The following ESRRG variants were observed in gnomAD, a reference collection of about 807,000 sequenced individuals.
ESRRG encodes estrogen-related receptor gamma.
In ESRRG, 13 loss-of-function variants were observed where a neutral mutation model predicts 44.0. The observed-to-expected ratio is 0.30, with a 90% CI of 0.19 to 0.47. The LOEUF is 0.47. Among genes scored for constraint, ESRRG ranks in the 20% least tolerant of loss-of-function variants. The pLI is 1.00. For missense variants in ESRRG, 395 were observed against 580.6 expected, an observed-to-expected ratio of 0.68 and a Z score of 3.29; for synonymous variants, 215 against 214.6, an observed-to-expected ratio of 1.00 and a Z score of -0.02.
intron 6 of ESRRG, among the ~76,000 whole-genome samples, chr1:216,517,525 A>G (rs2044704972): frequency 6.6e-6 from 1 of 152,308 alleles, no homozygotes; most frequent in South Asian, 2.1e-4. Flanking sequence ...TTTGAAACAT[A>G]AAAGATTTAA....
intron 3 of ESRRG, among the ~76,000 whole-genome samples, chr1:216,583,515 G>T (rs72737310): frequency 0.15 from 22,336 of 152,264 alleles, 2,169 homozygotes; most frequent in Non-Finnish European, 0.21. Context: ...GAAGGTTGCT[G>T]CTGGGCAGCA....
chr1:216,566,114 A>T (rs926026061), intron 4 of ESRRG, among the ~76,000 whole-genome samples: 1 of 152,106 alleles, frequency 6.6e-6, no homozygotes, highest in Non-Finnish European at 1.5e-5. Flanking sequence ...AGCCGGCAGC[A>T]CTGTTTCTAG....
chr1:216,570,740 A>C (rs1364415090), intron 3 of ESRRG, among the ~76,000 whole-genome samples: 1 of 152,220 alleles, frequency 6.6e-6, no homozygotes, highest in African/African-American at 2.4e-5. Flanking sequence ...AGAAACAATG[A>C]CAGGCAAAAG....
intron 2 of ESRRG, among the ~76,000 whole-genome samples, chr1:216,925,428 C>A (rs1578216207): frequency 1.3e-5 from 2 of 152,266 alleles, no homozygotes; most frequent in Middle Eastern, 3.4e-3. Context: ...CAGAGCGAGA[C>A]TCCGTCTCAA....
intron 2 of ESRRG, among the ~76,000 whole-genome samples, chr1:216,854,243 GC>G (rs1347722804): frequency 1.6e-4 from 24 of 150,688 alleles, no homozygotes; most frequent in Non-Finnish European, 2.8e-4. Context: ...TGTAGTCCCA[GC>G]TACTCAGGAG....
At chr1:217,065,855 A>G (rs1028641024) in intron 1 of ESRRG, among the ~76,000 whole-genome samples, 1 of 152,172 alleles carries the variant, frequency 6.6e-6, no homozygotes, top group African/African-American at 2.4e-5. Context: ...AACACCATAG[A>G]ATAAAAGCTT....
At chr1:216,754,414 T>C (rs2092311149) in intron 2 of ESRRG, among the ~76,000 whole-genome samples, 1 of 152,020 alleles carries the variant, frequency 6.6e-6, no homozygotes, top group Non-Finnish European at 1.5e-5. Context: ...AATTGTGTTT[T>C]CCCCTCTCTA....
chr1:217,031,042 A>C (rs1419305115), intron 1 of ESRRG, among the ~76,000 whole-genome samples: 1 of 152,236 alleles, frequency 6.6e-6, no homozygotes, highest in African/African-American at 2.4e-5. Flanking sequence ...CATGCTCTAA[A>C]GGAGAGTTTG....
chr1:216,844,660 G>C, intron 2 of ESRRG, among the ~76,000 whole-genome samples: 1 of 152,096 alleles, frequency 6.6e-6, no homozygotes, highest in East Asian at 1.9e-4. Flanking sequence ...TGAATTTATA[G>C]AGTTCCCTGA....
intron 2 of ESRRG, among the ~76,000 whole-genome samples, chr1:216,920,071 A>G (rs937934173): frequency 6.6e-6 from 1 of 152,238 alleles, no homozygotes; most frequent in African/African-American, 2.4e-5. Context: ...GTTGTATAAT[A>G]TATCATTCAT....
At chr1:216,706,824 AAG>A (rs980868201) in intron 1 of ESRRG, among the ~76,000 whole-genome samples, 21 of 152,344 alleles carry the variant, frequency 1.4e-4, no homozygotes, top group African/African-American at 5.1e-4. Flanking sequence ...AAAAATGTGA[AAG>A]ACAATAATTT....
chr1:216,891,026 G>A (rs908368171), intron 2 of ESRRG, among the ~76,000 whole-genome samples: 1 of 152,032 alleles, frequency 6.6e-6, no homozygotes, highest in African/African-American at 2.4e-5. Flanking sequence ...GGGTATCAAG[G>A]CCAAAAATAT....
At chr1:217,038,504 C>T (rs1243617749) in intron 1 of ESRRG, among the ~76,000 whole-genome samples, 1 of 152,200 alleles carries the variant, frequency 6.6e-6, no homozygotes, top group Non-Finnish European at 1.5e-5. Flanking sequence ...TTGTAATCCT[C>T]ATGGAACCTG....
intron 2 of ESRRG, among the ~76,000 whole-genome samples, chr1:216,841,491 A>T (rs2095652683): frequency 6.6e-6 from 1 of 152,190 alleles, no homozygotes; most frequent in Non-Finnish European, 1.5e-5. Flanking sequence ...CTGGGCAAAA[A>T]CAGCTGCCAA....
intron 3 of ESRRG, among the ~76,000 whole-genome samples, chr1:216,629,010 C>T (rs1407578591): frequency 2.6e-5 from 4 of 152,166 alleles, no homozygotes; most frequent in Non-Finnish European, 4.4e-5. Flanking sequence ...CCACCCTTCA[C>T]GAGTTAATGT....
intron 2 of ESRRG, among the ~76,000 whole-genome samples, chr1:216,815,734 A>G (rs996412095): frequency 2.0e-5 from 3 of 152,206 alleles, no homozygotes; most frequent in Admixed American, 6.5e-5. Context: ...ACTGAACACA[A>G]TGAAGCAGCC....
intron 5 of ESRRG, among the ~76,000 whole-genome samples, chr1:216,545,342 C>T (rs368627851): frequency 6.6e-6 from 1 of 151,746 alleles, no homozygotes; most frequent in Admixed American, 6.6e-5. Flanking sequence ...GGATTACAGG[C>T]CTTAGCCACT....
chr1:216,869,587 C>T (rs12077448), intron 2 of ESRRG, among the ~76,000 whole-genome samples: 4,869 of 152,068 alleles, frequency 0.032, 261 homozygotes, highest in African/African-American at 0.11. Flanking sequence ...CAAGAACATC[C>T]GCCTAGGAAT....
intron 3 of ESRRG, among the ~76,000 whole-genome samples, chr1:216,609,377 C>G (rs2060325760): frequency 1.3e-5 from 2 of 152,168 alleles, no homozygotes; most frequent in Non-Finnish European, 2.9e-5. Context: ...GAAGTCAACA[C>G]TTATTCTGTA....
Sources: allele counts gnomAD v4.1 joint callset (sites outside exome capture counted in the v4.1 genomes callset), GRCh38; gene constraint gnomAD v4.1.1; transcripts MANE v1.5; gene names NCBI Gene and HGNC (gene_info 2026-07-23, HGNC 2026-07-21).